NVL: variants seen among roughly 807,000 people sequenced by gnomAD.
NVL encodes the protein nuclear VCP like.
In NVL, 84 loss-of-function variants were observed where a neutral mutation model predicts 110.2. The observed-to-expected ratio is 0.76, with a 90% CI of 0.64 to 0.91. NVL has a LOEUF of 0.91. Ranked by LOEUF, NVL falls within the 40% of genes least tolerant of loss-of-function variation. The pLI is 0.00. For synonymous variants in NVL, 354 were observed against 361.1 expected (o/e 0.98, Z 0.22); for missense variants, 882 against 1,035.9 (o/e 0.85, Z 2.04).
At chr1:224,313,501 C>T (rs1165299811) in intron 4 of NVL, among the ~76,000 whole-genome samples, 3 of 151,460 alleles carry the variant, frequency 2.0e-5, no homozygotes, top group African/African-American at 7.3e-5. Flanking sequence ...ATGGTGCAAG[C>T]GAAAATTAAA....
intron 9 of NVL, 85 bp from the exon 10 acceptor site, chr1:224,300,748 A>G: frequency 1.1e-6 from 1 of 906,090 alleles, no homozygotes; most frequent in East Asian, 2.7e-5. Flanking sequence ...AATTTTTTAA[A>G]TAGCTAGTTT....
chr1:224,330,109 CT>C lies in NVL; in HGVS notation c.18del (p.Phe8SerfsTer28), dbSNP rs1671542380. 6.2e-7 allele frequency: 1 copy of C among 1,614,004 alleles called. No homozygotes were observed. Among genetic ancestry groups the C allele is most frequent in the African/African-American group, 1.3e-5 (1 of 74,922 alleles). MKPRP[A>X]GFVDNKLKQR... ...TGCTTGAGTTTATTATCCACGAACC[CT>C]GCAGGTCTGGGCTTCATCGCGTCGG... On this transcript the variant is annotated frameshift_variant, in exon 1 of 23. Coordinates refer to ENST00000281701, the MANE Select transcript of NVL (RefSeq NM_002533.4). LOFTEE classifies it high-confidence loss of function.
chr1:224,305,380 G>A (rs1202512930), intron 6 of NVL: 1 of 494,386 alleles, frequency 2.0e-6, no homozygotes, highest in Non-Finnish European at 3.5e-6. Flanking sequence ...TTAACATTTG[G>A]TGCTGGCCTT....
At chr1:224,303,448 A>G (rs2102697280) in intron 9 of NVL, among the ~76,000 whole-genome samples, 1 of 152,002 alleles carries the variant, frequency 6.6e-6, no homozygotes, top group East Asian at 1.9e-4. Context: ...AAAAAAAAAA[A>G]CTGTATTATT....
Position 224,253,969 on chromosome 1 carries a change from G to A in NVL, c.2183-3651C>T, listed in dbSNP as rs192794113. Among the ~76,000 whole-genome samples, 370 of 152,154 alleles carry A rather than the reference G, an allele frequency of 2.4e-3. 3 individuals are homozygous for A. Among genetic ancestry groups the A allele is most frequent in the African/African-American group, 8.5e-3 (354 of 41,520 alleles). On this transcript the variant is annotated intron_variant, in intron 18 of 22. Coordinates refer to ENST00000281701, the MANE Select transcript of NVL (RefSeq NM_002533.4). ...GGTGTGAAGCATTTTTCATGAGTTT[G>A]CCATTTGTACACCTCCTATGGTGAA...
intron 9 of NVL, 39 bp downstream of exon 9, chr1:224,303,684 C>A: frequency 6.3e-7 from 1 of 1,588,298 alleles, no homozygotes; most frequent in Admixed American, 1.8e-5. Context: ...ATAATAACAA[C>A]AAAAACAGCA....
chr1:224,262,538 G>A (rs1418652310), intron 18 of NVL, among the ~76,000 whole-genome samples: 9 of 152,054 alleles, frequency 5.9e-5, no homozygotes, highest in Non-Finnish European at 1.3e-4. Context: ...CAGAAAAAAA[G>A]GGCAAACAAA....
At chr1:224,286,433 T>C (rs1666879745) in intron 14 of NVL, among the ~76,000 whole-genome samples, 1 of 152,132 alleles carries the variant, frequency 6.6e-6, no homozygotes, top group South Asian at 2.1e-4. Flanking sequence ...CTTGAACTCC[T>C]GACCTCAGGT....
intron 21 of NVL, among the ~76,000 whole-genome samples, chr1:224,231,843 G>A (rs1297602122): frequency 2.6e-5 from 4 of 151,336 alleles, no homozygotes; most frequent in Non-Finnish European, 4.4e-5. Context: ...TGACCAATAT[G>A]GTGAAATCCC....
intron 2 of NVL, among the ~76,000 whole-genome samples, chr1:224,318,988 CAAAA>C (rs35766183): frequency 1.1e-5 from 1 of 94,538 alleles, no homozygotes; most frequent in Non-Finnish European, 2.2e-5. Flanking sequence ...GACTCCGTCT[CAAAA>C]AAAAAAAAAA....
At chr1:224,288,542 ATATT>A (rs1667081664) in intron 13 of NVL, among the ~76,000 whole-genome samples, 1 of 152,168 alleles carries the variant, frequency 6.6e-6, no homozygotes, top group Non-Finnish European at 1.5e-5. Flanking sequence ...AATTTATAAA[ATATT>A]AATTTATATG....
At chr1:224,264,165 C>T (rs554581043) in intron 18 of NVL, among the ~76,000 whole-genome samples, 5 of 152,106 alleles carry the variant, frequency 3.3e-5, no homozygotes, top group South Asian at 4.2e-4. Flanking sequence ...GCTGATAGTA[C>T]GTGGATCCAA....
chr1:224,278,692 G>A (rs1288873640), intron 16 of NVL, among the ~76,000 whole-genome samples: 2 of 151,990 alleles, frequency 1.3e-5, no homozygotes, highest in African/African-American at 4.8e-5. Flanking sequence ...TGAGAATGTG[G>A]GACAATCTGA....
intron 2 of NVL, among the ~76,000 whole-genome samples, chr1:224,324,988 C>T (rs577414331): frequency 6.6e-6 from 1 of 152,186 alleles, no homozygotes; most frequent in East Asian, 1.9e-4. Context: ...TGGCCAGGTG[C>T]GGTGGCTCCC....
intron 21 of NVL, among the ~76,000 whole-genome samples, chr1:224,231,510 A>G (rs1435889002): frequency 1.3e-5 from 2 of 152,216 alleles, no homozygotes; most frequent in Non-Finnish European, 2.9e-5. Context: ...TCTGCCACTC[A>G]TAAGTTGGTA....
intron 21 of NVL, 52 bp from the exon 22 acceptor site, chr1:224,231,348 C>T (rs1659858269): frequency 7.0e-7 from 1 of 1,436,202 alleles, no homozygotes; most frequent in South Asian, 1.1e-5. Context: ...TGGTAACTGA[C>T]TTAGAACTTA....
intron 19 of NVL, among the ~76,000 whole-genome samples, chr1:224,237,288 A>G (rs1376047880): frequency 6.6e-6 from 1 of 152,220 alleles, no homozygotes; most frequent in East Asian, 1.9e-4. Flanking sequence ...TGGCCAGGAG[A>G]GAAGGAGCAG....
At chr1:224,261,032 C>T (rs772586272) in intron 18 of NVL, among the ~76,000 whole-genome samples, 6 of 152,136 alleles carry the variant, frequency 3.9e-5, no homozygotes, top group Admixed American at 1.3e-4. Context: ...CGTGCTACCA[C>T]GCCCAGCTGA....
chr1:224,328,708 T>C (rs2102817661), intron 1 of NVL, among the ~76,000 whole-genome samples: 1 of 152,298 alleles, frequency 6.6e-6, no homozygotes, highest in East Asian at 1.9e-4. Flanking sequence ...GAATGATCCT[T>C]AAGGTTTTTG....
Sources: allele counts gnomAD v4.1 joint callset (sites outside exome capture counted in the v4.1 genomes callset), GRCh38; gene constraint gnomAD v4.1.1; transcripts MANE v1.5; gene names NCBI Gene and HGNC (gene_info 2026-07-23, HGNC 2026-07-21).